UGT1A7: variants seen among roughly 807,000 people sequenced by gnomAD.
UGT1A7 encodes UDP glucuronosyltransferase family 1 member A7, also known as UDP-glucuronosyltransferase 1A7.
A neutral mutation model predicts 45.6 loss-of-function variants in UGT1A7; 33 were observed. The ratio of observed to expected loss-of-function variants is 0.72; its 90% CI spans 0.55 to 0.97. The LOEUF is 0.97. UGT1A7 is among the 50% of genes least tolerant of loss of function. The pLI is 0.00. For synonymous variants in UGT1A7, 274 were observed against 250.6 expected, an observed-to-expected ratio of 1.09 and a Z score of -0.88; for missense variants, 684 against 666.2, an observed-to-expected ratio of 1.03 and a Z score of -0.29.
At position 233,767,022 on chromosome 2, in the gene UGT1A7, T is replaced by G. The variant is rs1433529256; in HGVS notation, c.856-12T>G. 2.5e-6 allele frequency: 4 copies of G among 1,613,876 alleles called. No homozygotes were observed. The African/African-American group carries it at 5.3e-5, about 22-fold the overall frequency. On this transcript the variant is annotated splice_polypyrimidine_tract_variant and intron_variant, in intron 1 of 4. Coordinates refer to ENST00000373426, the MANE Select transcript of UGT1A7 (RefSeq NM_019077.3). Reference sequence around the variant, plus strand: ...AGAAAAAATTAACTGAAAATTTTTCTTCTGGCTCTAGGAATTTGAAGCCTA... The same window carrying G: ...AGAAAAAATTAACTGAAAATTTTTCGTCTGGCTCTAGGAATTTGAAGCCTA...
chr2:233,747,316 C>T lies in UGT1A7; in HGVS notation c.856-19718C>T, dbSNP rs1693620953. The T allele has an allele frequency of 6.9e-6, 11 of 1,603,150 alleles. No homozygotes were observed. In the South Asian group the frequency reaches 1.2e-4, roughly 18 times the overall value. On this transcript the variant is annotated intron_variant, in intron 1 of 4. Coordinates refer to ENST00000373426, the MANE Select transcript of UGT1A7 (RefSeq NM_019077.3). ...TGAGAGTGGGAAGGTGCTGGTGGTA[C>T]CCATTGATGGCAGCCACTGGCTCGC... is the stretch of plus-strand genomic sequence containing the variant.
intron 1 of UGT1A7, chr2:233,713,020 C>T (rs143190267): frequency 2.4e-5 from 38 of 1,613,618 alleles, no homozygotes; most frequent in African/African-American, 6.7e-5. Context: ...GTTCCCCTGC[C>T]GCAGCTGGCC....
At chr2:233,718,746 TA>T in intron 1 of UGT1A7, 8 of 1,612,108 alleles carry the variant, frequency 5.0e-6, no homozygotes, top group Non-Finnish European at 5.9e-6. Flanking sequence ...AATGACAAGG[TA>T]ATTAAGGCGA....
At chr2:233,693,845 A>C in intron 1 of UGT1A7, 1 of 1,614,152 alleles carries the variant, frequency 6.2e-7, no homozygotes, top group African/African-American at 1.3e-5. Flanking sequence ...CAACTGTAAG[A>C]AGAGGAAAGA....
chr2:233,728,121 T>C (rs1274585713), intron 1 of UGT1A7, among the ~76,000 whole-genome samples: 1 of 152,216 alleles, frequency 6.6e-6, no homozygotes, highest in East Asian at 1.9e-4. Flanking sequence ...ATCTTGAAAT[T>C]TGGACTAGGG....
Position 233,727,076 on chromosome 2 carries a change from C to T in UGT1A7, c.856-39958C>T, listed in dbSNP as rs574728878. Among the ~76,000 whole-genome samples the T allele has an allele frequency of 2.4e-4, 36 of 152,290 alleles. No individual in the cohort carries two copies. In the South Asian group the frequency reaches 7.5e-3, roughly 32 times the overall value. ...GAAGATTAGTTTCTGTGTTCTCTTA[C>T]AAACATTAAAGAATTCCAGTTTGTG... On this transcript the variant is annotated intron_variant, in intron 1 of 4. Coordinates refer to ENST00000373426, the MANE Select transcript of UGT1A7 (RefSeq NM_019077.3).
At chr2:233,707,542 T>A (rs2075970196) in intron 1 of UGT1A7, among the ~76,000 whole-genome samples, 1 of 151,954 alleles carries the variant, frequency 6.6e-6, no homozygotes, top group Admixed American at 6.6e-5. Flanking sequence ...TCTTGCCTTT[T>A]TTTTTTTTTT....
intron 1 of UGT1A7, among the ~76,000 whole-genome samples, chr2:233,699,217 A>G (rs17863786): frequency 0.034 from 5,148 of 152,236 alleles, 109 homozygotes; most frequent in African/African-American, 0.056. Flanking sequence ...CATGAAAAAA[A>G]AACAAAAACG....
chr2:233,756,383 G>C (rs1251159335), intron 1 of UGT1A7: 1 of 151,718 alleles, frequency 6.6e-6, no homozygotes, highest in Non-Finnish European at 1.5e-5. Flanking sequence ...GTAAATAGTT[G>C]TTTTACAGTA....
chr2:233,760,182 T>C lies in UGT1A7; in HGVS notation c.856-6852T>C, dbSNP rs34547608. The C allele has an allele frequency of 4.0e-3, 6,144 of 1,550,378 alleles. 201 individuals are homozygous for C. The African/African-American group carries it at 0.074, about 19-fold the overall frequency. Reference sequence around the variant, plus strand: ...ACCTTTGTGGACTGACAGCTTTTTATAGTCACGTGACACAGTCAAACATTA... The same window carrying C: ...ACCTTTGTGGACTGACAGCTTTTTACAGTCACGTGACACAGTCAAACATTA... On this transcript the variant is annotated intron_variant, in intron 1 of 4. Transcript: ENST00000373426.
At chr2:233,717,873 G>C (rs1268919584) in intron 1 of UGT1A7, 1 of 454,864 alleles carries the variant, frequency 2.2e-6, no homozygotes, top group African/African-American at 2.0e-5. Context: ...TTGACTTGGA[G>C]AAAAGCCTGG....
chr2:233,746,961 G>C (rs1559391605), intron 1 of UGT1A7, among the ~76,000 whole-genome samples: 1 of 151,802 alleles, frequency 6.6e-6, no homozygotes, highest in Non-Finnish European at 1.5e-5. Flanking sequence ...CTTGAACTTG[G>C]ATGTTCCCCA....
At chr2:233,724,087 T>C in intron 1 of UGT1A7, among the ~76,000 whole-genome samples, 2 of 102,630 alleles carry the variant, frequency 1.9e-5, no homozygotes, top group East Asian at 2.4e-4. Flanking sequence ...GAGGGGCTCC[T>C]CACTTCCCAG....
At chr2:233,697,097 T>C (rs1160600500) in intron 1 of UGT1A7, among the ~76,000 whole-genome samples, 1 of 152,158 alleles carries the variant, frequency 6.6e-6, no homozygotes, top group Non-Finnish European at 1.5e-5. Flanking sequence ...TCTCACAGGA[T>C]GAGTTTGGAA....
intron 1 of UGT1A7, chr2:233,693,374 A>C: frequency 1.2e-6 from 2 of 1,614,180 alleles, no homozygotes; most frequent in Non-Finnish European, 1.7e-6. Flanking sequence ...CCTGTACTTC[A>C]TCAACTGCCA....
chr2:233,719,279 C>T lies in UGT1A7; in HGVS notation c.855+36487C>T, dbSNP rs371816622. On this transcript the variant is annotated intron_variant, in intron 1 of 4. Transcript: ENST00000373426. ...CCTTTGATGTGGTTTTAACAGACCCCGTTAACCTCTGTGGGGCGGTGCTGG... is the reference window on the plus strand; with the variant it reads ...CCTTTGATGTGGTTTTAACAGACCCTGTTAACCTCTGTGGGGCGGTGCTGG... 6.4e-5 allele frequency: 103 copies of T among 1,614,078 alleles called. 1 individual carries two copies. In the African/African-American group the frequency reaches 1.0e-3, roughly 16 times the overall value.
At chr2:233,762,431 A>G (rs1698072328) in intron 1 of UGT1A7, among the ~76,000 whole-genome samples, 1 of 152,242 alleles carries the variant, frequency 6.6e-6, no homozygotes, top group Non-Finnish European at 1.5e-5. Context: ...ATAGAGTAAC[A>G]GTGTATTCCC....
At chr2:233,714,647 C>A (rs886443122) in intron 1 of UGT1A7, among the ~76,000 whole-genome samples, 1 of 152,174 alleles carries the variant, frequency 6.6e-6, no homozygotes, top group African/African-American at 2.4e-5. Flanking sequence ...GTGAATAATG[C>A]ATTTTATTTA....
At chr2:233,691,435 G>A in intron 1 of UGT1A7, 1 of 985,642 alleles carries the variant, frequency 1.0e-6, no homozygotes, top group African/African-American at 1.7e-5. Context: ...TGTTGCTCAG[G>A]CTTCTTCTCC....
Sources: allele counts gnomAD v4.1 joint callset (sites outside exome capture counted in the v4.1 genomes callset), GRCh38; gene constraint gnomAD v4.1.1; transcripts MANE v1.5; gene names NCBI Gene and HGNC (gene_info 2026-07-23, HGNC 2026-07-21).